The following SLC14A2 variants were observed in gnomAD, a reference collection of about 807,000 sequenced individuals.
SLC14A2 encodes solute carrier family 14 member 2.
A neutral mutation model predicts 104.6 loss-of-function variants in SLC14A2; 91 were observed. That is an observed-to-expected ratio of 0.87 (90% CI 0.73 to 1.04). The LOEUF (loss-of-function observed/expected upper bound fraction) is 1.04, where lower values mean the gene tolerates loss of function less well. Ranked by LOEUF, SLC14A2 falls within the 50% of genes least tolerant of loss-of-function variation. The pLI is 0.00. For missense variants in SLC14A2, 1,189 were observed against 1,156.0 expected, an observed-to-expected ratio of 1.03 and a Z score of -0.41; for synonymous variants, 476 against 466.4, an observed-to-expected ratio of 1.02 and a Z score of -0.27.
At chr18:45,436,798 T>TG (rs1425011188) in intron 1 of SLC14A2, 1 of 3,404 alleles carries the variant, frequency 2.9e-4, no homozygotes, top group Non-Finnish European at 5.0e-4. Context: ...GATTTCTTTC[T>TG]TTTTTTTTAA....
intron 19 of SLC14A2, among the ~76,000 whole-genome samples, chr18:45,679,752 T>C (rs1413282254): frequency 6.6e-6 from 1 of 152,230 alleles, no homozygotes; most frequent in Non-Finnish European, 1.5e-5. Flanking sequence ...ATGGGTGGCT[T>C]GGACTTAGCA....
In SLC14A2 at chr18:45,414,758, ATAT is replaced by A. The variant is rs1163693802; in HGVS notation, c.-124-68474_-124-68472del. Among the ~76,000 whole-genome samples the A allele has an allele frequency of 8.9e-3, 444 of 50,026 alleles. 13 individuals carry two copies. The highest frequency in any genetic ancestry group is 0.017 in the Middle Eastern group (1 of 58). 32.8% of individuals were successfully genotyped at this position (50,026 alleles called of 152,430 possible). On this transcript the variant is annotated intron_variant, in intron 1 of 20. Transcript: ENST00000586448. The stretch of plus-strand genomic sequence containing the variant: ...GGCACCGAGCGTAAAAAAAAAAAAA[ATAT>A]ATATATATATATATATATATATATA...
At chr18:45,469,854 G>T (rs1280059530) in intron 1 of SLC14A2, among the ~76,000 whole-genome samples, 1 of 152,174 alleles carries the variant, frequency 6.6e-6, no homozygotes, top group Non-Finnish European at 1.5e-5. Context: ...AGAGAAGTAG[G>T]CAGGGACACA....
intron 2 of SLC14A2, among the ~76,000 whole-genome samples, chr18:45,530,847 C>A (rs1265889948): frequency 6.6e-6 from 1 of 151,992 alleles, no homozygotes; most frequent in Non-Finnish European, 1.5e-5. Context: ...TATCCCTCCC[C>A]ACTCCCCCCA....
At chr18:45,325,290 C>T (rs2085223997) in intron 1 of SLC14A2, among the ~76,000 whole-genome samples, 1 of 152,198 alleles carries the variant, frequency 6.6e-6, no homozygotes, top group Admixed American at 6.5e-5. Context: ...GGATACACAG[C>T]TTCTGAGCTG....
intron 10 of SLC14A2, among the ~76,000 whole-genome samples, chr18:45,658,778 A>T (rs369306241): frequency 1.3e-5 from 2 of 152,240 alleles, no homozygotes. Flanking sequence ...GGGCACTTCT[A>T]TGAAATCTTT....
At chr18:45,183,960 C>G in the SLC14A2 span, among the ~76,000 whole-genome samples, 90 of 109,442 alleles carry the variant, frequency 8.2e-4, 1 homozygote, top group East Asian at 0.026. Flanking sequence ...TCATATGTTG[C>G]CCAGGCTAGT....
intron 2 of SLC14A2, among the ~76,000 whole-genome samples, chr18:45,503,821 A>AT (rs776351253): frequency 8.1e-5 from 1 of 12,380 alleles, no homozygotes; most frequent in Non-Finnish European, 4.9e-4. Context: ...CAGAGTAATT[A>AT]TCCCTGAATT....
chr18:45,214,914 T>TAAAAAAAAAAAAAAAAAAAAGA (rs2083995522), intron 1 of SLC14A2, among the ~76,000 whole-genome samples: 1 of 113,910 alleles, frequency 8.8e-6, no homozygotes. Context: ...ACCATGTCTT[T>TAAAAAAAAAAAAAAAAAAAAGA]AAAAAAAAAA....
chr18:45,204,925 T>G, the SLC14A2 span, among the ~76,000 whole-genome samples: 1 of 152,166 alleles, frequency 6.6e-6, no homozygotes, highest in East Asian at 1.9e-4. Flanking sequence ...GAAGTTTGTA[T>G]GAAGAAAGAG....
intron 1 of SLC14A2, among the ~76,000 whole-genome samples, chr18:45,391,879 C>G (rs1262088080): frequency 6.6e-6 from 1 of 152,178 alleles, no homozygotes; most frequent in African/African-American, 2.4e-5. Flanking sequence ...TGTGGGTTGC[C>G]TGTTCACTCT....
intron 1 of SLC14A2, among the ~76,000 whole-genome samples, chr18:45,622,935 T>C (rs1350854222): frequency 1.3e-5 from 2 of 152,302 alleles, no homozygotes; most frequent in East Asian, 3.9e-4. Context: ...GTTATTACCC[T>C]TGTTCTCTAG....
chr18:45,622,986 A>T (rs1239733494), intron 1 of SLC14A2, among the ~76,000 whole-genome samples: 2 of 152,162 alleles, frequency 1.3e-5, no homozygotes, highest in Non-Finnish European at 2.9e-5. Flanking sequence ...AAAGTTAGGC[A>T]TTTGGGTTTA....
chr18:45,381,575 G>T (rs773044265), intron 1 of SLC14A2, among the ~76,000 whole-genome samples: 1 of 152,130 alleles, frequency 6.6e-6, no homozygotes, highest in Non-Finnish European at 1.5e-5. Flanking sequence ...TCTTTCTTCT[G>T]CTGATGTCTT....
At chr18:45,229,788 A>G (rs573771780) in intron 1 of SLC14A2, among the ~76,000 whole-genome samples, 1 of 152,172 alleles carries the variant, frequency 6.6e-6, no homozygotes, top group Non-Finnish European at 1.5e-5. Flanking sequence ...TTCAAGGTCA[A>G]GCAACCTTAT....
chr18:45,568,430 G>C (rs1420070792), intron 2 of SLC14A2, among the ~76,000 whole-genome samples: 1 of 152,224 alleles, frequency 6.6e-6, no homozygotes, highest in Admixed American at 6.5e-5. Flanking sequence ...AGTTCTGCTG[G>C]CTAAATGTGT....
rs572648241 is a variant in SLC14A2, at chr18:45,482,318, T to A, written c.-124-915T>A. Reference sequence around the variant, plus strand: ...TAACATATGAAGCAGCTATTAAAAATTATGTGATTTGTATCAGTTATCTAT... The same window carrying A: ...TAACATATGAAGCAGCTATTAAAAAATATGTGATTTGTATCAGTTATCTAT... On this transcript the variant is annotated intron_variant, in intron 1 of 20. Transcript: ENST00000586448. Among the ~76,000 whole-genome samples the A allele has an allele frequency of 2.0e-5, 3 of 152,294 alleles. No individual in the cohort carries two copies. In the East Asian group the frequency reaches 5.8e-4, roughly 29 times the overall value.
At chr18:45,410,516 G>T (rs2086203726) in intron 1 of SLC14A2, among the ~76,000 whole-genome samples, 1 of 151,804 alleles carries the variant, frequency 6.6e-6, no homozygotes, top group Non-Finnish European at 1.5e-5. Flanking sequence ...CTACTATATT[G>T]AATAACAAAT....
intron 12 of SLC14A2, 120 bp downstream of exon 12, chr18:45,666,339 G>A (rs1017775795): frequency 3.1e-5 from 20 of 646,544 alleles, no homozygotes; most frequent in Admixed American, 7.7e-5. Flanking sequence ...TCTTGCATTC[G>A]TATTTTCTGA....
Sources: gnomAD v4.1 joint callset for allele counts (sites outside exome capture counted in the v4.1 genomes callset) on GRCh38, gnomAD v4.1.1 for gene constraint, MANE v1.5 for transcripts, NCBI Gene and HGNC (gene_info 2026-07-23, HGNC 2026-07-21) for gene names.